The following TLE1 variants were observed in gnomAD, a reference collection of about 807,000 sequenced individuals.
The protein encoded by TLE1 is transducin-like enhancer protein 1.
TLE1 carries 21 observed loss-of-function variants against 89.8 expected under a neutral mutation model. The ratio of observed to expected loss-of-function variants is 0.23; its 90% confidence interval spans 0.17 to 0.34. The LOEUF (loss-of-function observed/expected upper bound fraction) is 0.34, where lower values mean the gene tolerates loss of function less well. Ranked by LOEUF, TLE1 falls within the 10% of genes least tolerant of loss-of-function variation. TLE1 has a pLI of 1.00. For missense variants in TLE1, 795 were observed against 1,031.2 expected, an observed-to-expected ratio of 0.77 and a Z score of 3.14; for synonymous variants, 447 against 407.6, an observed-to-expected ratio of 1.10 and a Z score of -1.16.
intron 1 of TLE1, among the ~76,000 whole-genome samples, chr9:81,687,945 A>C (rs1205338466): frequency 6.6e-6 from 1 of 151,984 alleles, no homozygotes; most frequent in African/African-American, 2.4e-5. Flanking sequence ...GGTAGAGGGG[A>C]TATGGCTGCA....
At chr9:81,633,456 C>A in intron 7 of TLE1, 92 bp from the exon 8 acceptor site, 1 of 1,590,902 alleles carries the variant, frequency 6.3e-7, no homozygotes, top group Non-Finnish European at 8.6e-7. Flanking sequence ...ATAATTAGAA[C>A]ACAAGCCCCA....
At chr9:81,666,697 C>T (rs1371049995) in intron 4 of TLE1, among the ~76,000 whole-genome samples, 1 of 151,850 alleles carries the variant, frequency 6.6e-6, no homozygotes, top group Admixed American at 6.6e-5. Flanking sequence ...ATCGCTTGAA[C>T]CCGGGAAGCG....
chr9:81,625,547 C>A (rs1825790970), intron 8 of TLE1, among the ~76,000 whole-genome samples: 1 of 151,128 alleles, frequency 6.6e-6, no homozygotes, highest in Admixed American at 6.6e-5. Context: ...CCAATATATT[C>A]TTTTAAAATA....
chr9:81,659,285 T>A (rs1830497393), intron 4 of TLE1, among the ~76,000 whole-genome samples: 1 of 152,212 alleles, frequency 6.6e-6, no homozygotes. Context: ...TTGACCCTGC[T>A]GCCTTCCACC....
In TLE1 at chr9:81,683,676, T is replaced by C. The variant is rs987364115; in HGVS notation, c.234+2000A>G. 3.9e-5 allele frequency among the ~76,000 whole-genome samples: 6 copies of C among 152,314 alleles called. No homozygotes were observed. The East Asian group carries it at 1.2e-3, about 29-fold the overall frequency. On this transcript the variant is annotated intron_variant, in intron 4 of 19. Coordinates refer to ENST00000376499, the MANE Select transcript of TLE1 (RefSeq NM_005077.5). ...GTTAAGGGTCTGTCAGCATTTCCAATATCAACTAAATTTCAGGAGGCTCAG... is the reference window on the plus strand; with the variant it reads ...GTTAAGGGTCTGTCAGCATTTCCAACATCAACTAAATTTCAGGAGGCTCAG...
chr9:81,665,732 G>A (rs540587899), intron 4 of TLE1, among the ~76,000 whole-genome samples: 2 of 152,028 alleles, frequency 1.3e-5, no homozygotes, highest in Non-Finnish European at 2.9e-5. Context: ...TTTTAATAGC[G>A]GGCTTGAGTG....
At position 81,587,744 on chromosome 9, in the gene TLE1, G is replaced by A. The variant is rs1166523505; in HGVS notation, c.1914C>T (p.Asn638=). ...CGCGCAGGTCCCAGGACCTGACTGT[G>A]TTGTCCAAACCACCCGTCCAGAGCT... ...GTKLWTGGLD[N]TVRSWDLREG... is the part of the protein sequence containing the mutation. Residue 638 remains asparagine, a synonymous_variant, in exon 17 of 20, where the codon AAC becomes AAT. Transcript: ENST00000376499. 8 of 1,614,060 alleles carry A rather than the reference G, an allele frequency of 5.0e-6. No homozygotes were observed. Among genetic ancestry groups the A allele is most frequent in the Non-Finnish European group, 6.8e-6 (8 of 1,180,034 alleles).
At chr9:81,607,888 A>G (rs1831898525) in intron 14 of TLE1, among the ~76,000 whole-genome samples, 1 of 152,226 alleles carries the variant, frequency 6.6e-6, no homozygotes, top group Non-Finnish European at 1.5e-5. Context: ...AATTCCTAAC[A>G]TTGCTACTGA....
At chr9:81,641,781 G>C (rs981512514) in intron 6 of TLE1, among the ~76,000 whole-genome samples, 16 of 152,196 alleles carry the variant, frequency 1.1e-4, no homozygotes, top group African/African-American at 3.4e-4. Flanking sequence ...CCAGCACTTT[G>C]GGAGGCCGAG....
At position 81,587,834 on chromosome 9, in the gene TLE1, A is replaced by G. The variant is rs1449912054; in HGVS notation, c.1830-6T>C. The G allele has an allele frequency of 6.2e-7, 1 of 1,613,012 alleles. No individual in the cohort carries two copies. The highest frequency in any genetic ancestry group is 8.5e-7 in the Non-Finnish European group (1 of 1,179,664). On this transcript the variant is annotated splice_region_variant and splice_polypyrimidine_tract_variant and intron_variant, in intron 16 of 19. Transcript: ENST00000376499. ...CTGTGTGGCCCTGGAATTGCCTGAT[A>G]AAACAAACCAGATTGAATAATGATT... is the stretch of plus-strand genomic sequence containing the variant.
At chr9:81,590,454 G>C (rs769189109) in intron 16 of TLE1, among the ~76,000 whole-genome samples, 8 of 152,214 alleles carry the variant, frequency 5.3e-5, no homozygotes, top group Non-Finnish European at 8.8e-5. Context: ...TCTAGCCAAA[G>C]CCCAAAACAT....
At chr9:81,598,442 T>TAGTAC (rs1292595840) in intron 14 of TLE1, among the ~76,000 whole-genome samples, 1 of 152,158 alleles carries the variant, frequency 6.6e-6, no homozygotes, top group Non-Finnish European at 1.5e-5. Context: ...ACCTCTCTAA[T>TAGTAC]AGTACTTCTC....
chr9:81,640,019 T>A lies in TLE1; in HGVS notation c.373-5718A>T, dbSNP rs1192387998. ...CTCCCCTCCCTGCTTCAGGGACATA[T>A]GGCCATGTGTGGAGGTCACTGCGGG... On this transcript the variant is annotated intron_variant, in intron 6 of 19. Coordinates refer to ENST00000376499, the MANE Select transcript of TLE1 (RefSeq NM_005077.5). Among the ~76,000 whole-genome samples, 2 of 152,100 alleles carry A rather than the reference T, an allele frequency of 1.3e-5. 1 individual carries two copies. Among genetic ancestry groups the A allele is most frequent in the South Asian group, 4.1e-4 (2 of 4,826 alleles).
chr9:81,606,595 G>A (rs1301946505), intron 14 of TLE1, among the ~76,000 whole-genome samples: 2 of 152,082 alleles, frequency 1.3e-5, no homozygotes, highest in Non-Finnish European at 2.9e-5. Context: ...CTTGGACACA[G>A]GTGGGGAACA....
At chr9:81,613,301 CACA>C in intron 12 of TLE1, 73 bp downstream of exon 12, 3 of 1,559,870 alleles carry the variant, frequency 1.9e-6, no homozygotes, top group Non-Finnish European at 2.6e-6. Flanking sequence ...GCAATTGCGT[CACA>C]ACATTAACAG....
At chr9:81,646,153 G>A (rs1828836572) in intron 6 of TLE1, among the ~76,000 whole-genome samples, 1 of 152,158 alleles carries the variant, frequency 6.6e-6, no homozygotes, top group Non-Finnish European at 1.5e-5. Context: ...AAAGAAATAT[G>A]TGGGGAAATT....
intron 14 of TLE1, among the ~76,000 whole-genome samples, chr9:81,606,369 C>A (rs1831653675): frequency 1.3e-5 from 2 of 152,156 alleles, no homozygotes; most frequent in Admixed American, 6.5e-5. Context: ...TTGGAACCAA[C>A]CCAAATGTCC....
At chr9:81,625,659 G>A (rs74838128) in intron 8 of TLE1, among the ~76,000 whole-genome samples, 2,049 of 152,252 alleles carry the variant, frequency 0.013, 59 homozygotes, top group African/African-American at 0.046. Flanking sequence ...AGAGCACCCA[G>A]TGGCGTCAAA....
At chr9:81,633,457 A>T in intron 7 of TLE1, 93 bp from the exon 8 acceptor site, 1 of 1,589,684 alleles carries the variant, frequency 6.3e-7, no homozygotes, top group Non-Finnish European at 8.6e-7. Context: ...TAATTAGAAC[A>T]CAAGCCCCAA....
Sources: allele counts gnomAD v4.1 joint callset (sites outside exome capture counted in the v4.1 genomes callset), GRCh38; gene constraint gnomAD v4.1.1; transcripts MANE v1.5; gene names NCBI Gene and HGNC (gene_info 2026-07-23, HGNC 2026-07-21).